The following CDH16 variants were observed in gnomAD, a reference collection of about 807,000 sequenced individuals.
The protein encoded by CDH16 is cadherin-16.
Under a neutral mutation model 87.6 loss-of-function variants are expected in CDH16, and 79 were observed. The ratio of observed to expected loss-of-function variants is 0.90; its 90% CI spans 0.75 to 1.09. CDH16 has a LOEUF of 1.09. CDH16 is among the 50% of genes least tolerant of loss of function. CDH16 has a pLI of 0.00. For synonymous variants in CDH16, 457 were observed against 439.5 expected (o/e 1.04, Z -0.50); for missense variants, 1,124 against 1,071.7 (o/e 1.05, Z -0.68).
At position 66,916,135 on chromosome 16, in the gene CDH16, A is replaced by G. The variant is rs367707090; in HGVS notation, c.354T>C (p.Asp118=). ...GPQPVLVHVK[D]ENDQVPHFSQ... is the part of the protein sequence containing the mutation. Reference sequence around the variant, plus strand: ...AGAAATGGGGCACCTGGTCATTCTCATCCTTCACGTGCACAAGCACAGGCT... The same window carrying G: ...AGAAATGGGGCACCTGGTCATTCTCGTCCTTCACGTGCACAAGCACAGGCT... The change falls in exon 5 of 18, where the codon GAT becomes GAC. Residue 118 remains aspartate, a synonymous_variant. Coordinates refer to ENST00000299752, the MANE Select transcript of CDH16 (RefSeq NM_004062.4). The surrounding 1 kb of genome is among the most constrained non-coding windows in gnomAD (Gnocchi z 4.1). 70 of 1,614,074 alleles carry G rather than the reference A, an allele frequency of 4.3e-5. No homozygotes were observed. The highest frequency in any genetic ancestry group is 5.7e-5 in the Non-Finnish European group (67 of 1,180,040).
At chr16:66,918,551 TG>T (rs1472718561) in intron 1 of CDH16, among the ~76,000 whole-genome samples, 1 of 152,216 alleles carries the variant, frequency 6.6e-6, no homozygotes, top group Non-Finnish European at 1.5e-5. Context: ...TCAGGGCCTC[TG>T]GGACTGTCCT....
At position 66,912,488 on chromosome 16, in the gene CDH16, C is replaced by T. The variant is rs374982639; in HGVS notation, c.1359+16G>A. ...CCAGCATCCTTCCCAAGGCCTTCTC[C>T]CCTGCGTCTGCTTACCTGGGAAGTG... On this transcript the variant is annotated intron_variant, in intron 11 of 17. Transcript: ENST00000299752. 2 of 1,614,050 alleles carry T rather than the reference C, an allele frequency of 1.2e-6. No homozygotes were observed. The highest frequency in any genetic ancestry group is 2.7e-5 in the African/African-American group (2 of 74,938).
chr16:66,915,109 C>A, intron 6 of CDH16, 111 bp downstream of exon 6: 3 of 1,066,184 alleles, frequency 2.8e-6, no homozygotes, highest in Non-Finnish European at 4.1e-6. Flanking sequence ...GAGTGCCCTT[C>A]CCTCCCTTTT....
intron 2 of CDH16, 77 bp downstream of exon 2, chr16:66,917,944 G>A: frequency 7.7e-7 from 1 of 1,293,666 alleles, no homozygotes; most frequent in Non-Finnish European, 1.1e-6. Context: ...AGTGCAATTG[G>A]TCCAGGTGGA....
chr16:66,916,524 G>A lies in CDH16; in HGVS notation c.130-95C>T. The A allele has an allele frequency of 2.2e-6, 3 of 1,366,696 alleles. No homozygotes were observed. Among genetic ancestry groups the A allele is most frequent in the Non-Finnish European group, 2.9e-6 (3 of 1,025,178 alleles). 84.7% of individuals were successfully genotyped at this position (1,366,696 alleles called of 1,614,324 possible). On this transcript the variant is annotated intron_variant, in intron 3 of 17. Coordinates refer to ENST00000299752, the MANE Select transcript of CDH16 (RefSeq NM_004062.4). The surrounding 1 kb of genome is among the most constrained non-coding windows in gnomAD (Gnocchi z 4.1). ...GCCTCATTTTACATGTGGGGAAACTGAGTCTCAGAGACATCTGGCTCCTGT... is the reference window on the plus strand; with the variant it reads ...GCCTCATTTTACATGTGGGGAAACTAAGTCTCAGAGACATCTGGCTCCTGT...
Position 66,912,764 on chromosome 16 carries a change from GT to G in CDH16, c.1181del (p.Asp394AlafsTer7), listed in dbSNP as rs778274363. On this transcript the variant is annotated frameshift_variant, in exon 10 of 18. Transcript: ENST00000299752. LOFTEE classifies it high-confidence loss of function. ...CCAGCGTCACACTGCCTGAAGTGGG[GT>G]CCACCTGGAAGGCTCTCCCCTCTAC... The part of the protein sequence containing the change: ...DGVEGRAFQV[D>X]PTSGSVTLGV... 1 of 1,613,678 alleles carries G rather than the reference GT, an allele frequency of 6.2e-7. No individual in the cohort carries two copies. The highest frequency in any genetic ancestry group is 8.5e-7 in the Non-Finnish European group (1 of 1,180,002).
In CDH16 at chr16:66,909,119, C is replaced by A; in HGVS notation, c.2392+148G>T. ...CAATGATGATGACAATGACTATGAT[C>A]AAAGGGCAGGCGCATAATGACTAGG... On this transcript the variant is annotated intron_variant, in intron 17 of 17. Transcript: ENST00000299752. The surrounding 1 kb of genome is among the most constrained non-coding windows in gnomAD (Gnocchi z 4.1). 6 of 674,162 alleles carry A rather than the reference C, an allele frequency of 8.9e-6. No individual in the cohort carries two copies. The highest frequency in any genetic ancestry group is 1.4e-5 in the Non-Finnish European group (5 of 367,974). 41.8% of individuals were successfully genotyped at this position (674,162 alleles called of 1,614,324 possible). A position where few individuals can be genotyped will look rare whatever the true frequency, so the allele number is the denominator to read the frequency against.
intron 13 of CDH16, 99 bp downstream of exon 13, chr16:66,911,800 G>T (rs1962427987): frequency 5.0e-6 from 7 of 1,398,510 alleles, no homozygotes; most frequent in Middle Eastern, 4.9e-4. Flanking sequence ...GAGAAATTTT[G>T]CAGGCCACAG....
Position 66,911,885 on chromosome 16 carries a change from G to C in CDH16, c.1790+14C>G. ...GCAATCCAGTCCAGGTAAGGGGCTGGGATTTTAGCTCACCTGAGGGTTCGG... is the reference window on the plus strand; with the variant it reads ...GCAATCCAGTCCAGGTAAGGGGCTGCGATTTTAGCTCACCTGAGGGTTCGG... On this transcript the variant is annotated intron_variant, in intron 13 of 17. Coordinates refer to ENST00000299752, the MANE Select transcript of CDH16 (RefSeq NM_004062.4). 1.3e-6 allele frequency: 2 copies of C among 1,576,056 alleles called. No individual in the cohort carries two copies. The highest frequency in any genetic ancestry group is 1.7e-6 in the Non-Finnish European group (2 of 1,156,930).
Position 66,913,117 on chromosome 16 carries a change from A to G in CDH16, c.1054+14T>C. ...TTAATAGAGACTTCGTCCCTCTCCC[A>G]TCCTGTAGCTCACCTGGTGGACTGA... On this transcript the variant is annotated intron_variant, in intron 9 of 17. Coordinates refer to ENST00000299752, the MANE Select transcript of CDH16 (RefSeq NM_004062.4). 1 of 1,601,030 alleles carries G rather than the reference A, an allele frequency of 6.2e-7. No homozygotes were observed. The highest frequency in any genetic ancestry group is 8.5e-7 in the Non-Finnish European group (1 of 1,173,680).
In CDH16 at chr16:66,917,887, T is replaced by C. The variant is rs191783665; in HGVS notation, c.45+134A>G. On this transcript the variant is annotated intron_variant, in intron 2 of 17. Coordinates refer to ENST00000299752, the MANE Select transcript of CDH16 (RefSeq NM_004062.4). ...ACCTCCTCATCCCACAGTGGCTCTATAGTCCCAGCTCTGACCCCTCCCATG... is the reference window on the plus strand; with the variant it reads ...ACCTCCTCATCCCACAGTGGCTCTACAGTCCCAGCTCTGACCCCTCCCATG... 2.0e-3 allele frequency: 1,978 copies of C among 986,686 alleles called. 4 individuals are homozygous for C. The highest frequency in any genetic ancestry group is 2.6e-3 in the Non-Finnish European group (1,747 of 663,912). The allele number at this position is 986,686 out of a possible 1,614,324, so 61.1% of individuals were successfully genotyped here.
intron 5 of CDH16, 74 bp from the exon 6 acceptor site, chr16:66,915,452 T>C (rs546418389): frequency 1.1e-5 from 16 of 1,481,380 alleles, no homozygotes; most frequent in Non-Finnish European, 1.0e-5. Flanking sequence ...CTCCTATTTC[T>C]CCTCTGTCCT....
intron 3 of CDH16, among the ~76,000 whole-genome samples, chr16:66,917,396 C>T (rs1200397561): frequency 6.6e-6 from 1 of 151,956 alleles, no homozygotes; most frequent in Non-Finnish European, 1.5e-5. Flanking sequence ...GGTTCCATTC[C>T]CCAAGATATC....
Position 66,913,086 on chromosome 16 carries a change from A to G in CDH16, c.1054+45T>C, listed in dbSNP as rs755754514. On this transcript the variant is annotated intron_variant, in intron 9 of 17. Transcript: ENST00000299752. ...CCTTATCCCAGAGAAGAGCAAGACC[A>G]GGTGGTTAATAGAGACTTCGTCCCT... 9.6e-6 allele frequency: 15 copies of G among 1,570,048 alleles called. No homozygotes were observed. In the African/African-American group the frequency reaches 1.8e-4, roughly 18 times the overall value.
chr16:66,912,950 C>T (rs1962499859), intron 9 of CDH16, 59 bp from the exon 10 acceptor site: 3 of 1,499,270 alleles, frequency 2.0e-6, no homozygotes, highest in African/African-American at 1.4e-5. Context: ...CCTTACCCCA[C>T]CCACTCCTTA....
At position 66,911,335 on chromosome 16, in the gene CDH16, G is replaced by T. The variant is rs1348333623; in HGVS notation, c.1791-20C>A. 1.2e-6 allele frequency: 2 copies of T among 1,611,866 alleles called. No individual in the cohort carries two copies. The highest frequency in any genetic ancestry group is 1.1e-5 in the South Asian group (1 of 90,696). ...GAGAACCTGCCGCCCAAAGAAGGAG[G>T]TGAGGAGGTACTGGGACTACATATA... On this transcript the variant is annotated intron_variant, in intron 13 of 17. Coordinates refer to ENST00000299752, the MANE Select transcript of CDH16 (RefSeq NM_004062.4).
In CDH16 at chr16:66,912,830, G is replaced by A. The variant is rs900592631; in HGVS notation, c.1116C>T (p.His372=). 1.1e-5 allele frequency: 18 copies of A among 1,613,520 alleles called. No individual in the cohort carries two copies. The highest frequency in any genetic ancestry group is 2.2e-5 in the East Asian group (1 of 44,892). Residue 372 remains histidine (H), a synonymous_variant, in exon 10 of 18, where the codon CAC becomes CAT. Coordinates refer to ENST00000299752, the MANE Select transcript of CDH16 (RefSeq NM_004062.4). ...DADAPGSPNS[H]VVYQLLSPEP... ...CAGGGCTCAGGAGCTGATACACAAC[G>A]TGGGAATTGGGGGAGCCGGGGGCAT...
At chr16:66,917,829 ACCTTAGTCCATCCACCCGCG>A in intron 2 of CDH16, 104 bp from the exon 3 acceptor site, 1 of 1,103,458 alleles carries the variant, frequency 9.1e-7, no homozygotes. Flanking sequence ...GCCTGGCTGT[ACCTTAGTCCATCCACCCGCG>A]CTCTGGTCTT....
chr16:66,913,474 C>T lies in CDH16; in HGVS notation c.903+17G>A. 1 of 1,614,050 alleles carries T rather than the reference C, an allele frequency of 6.2e-7. No homozygotes were observed. Among genetic ancestry groups the T allele is most frequent in the South Asian group, 1.1e-5 (1 of 91,072 alleles). On this transcript the variant is annotated intron_variant, in intron 8 of 17. Coordinates refer to ENST00000299752, the MANE Select transcript of CDH16 (RefSeq NM_004062.4). ...AAGCACCCCCAGCCTGCATCCCTGG[C>T]TCCCCCTTCATATCACCTCAGCCTG...
Sources: gnomAD v4.1 joint callset for allele counts (sites outside exome capture counted in the v4.1 genomes callset) on GRCh38, gnomAD v4.1.1 for gene constraint, Gnocchi (gnomAD v3.1) non-coding constraint, MANE v1.5 for transcripts, NCBI Gene and HGNC (gene_info 2026-07-23, HGNC 2026-07-21) for gene names.